ARHGAP20: variants seen among roughly 807,000 people sequenced by gnomAD.
The protein encoded by ARHGAP20 is rho GTPase-activating protein 20.
In ARHGAP20, 34 loss-of-function variants were observed where a neutral mutation model predicts 73.7. That is an observed-to-expected ratio of 0.46 (90% CI 0.35 to 0.61). The LOEUF is 0.61. Among genes scored for constraint, ARHGAP20 ranks in the 20% least tolerant of loss-of-function variants. ARHGAP20 has a pLI of 0.00. For missense variants in ARHGAP20, 1,314 were observed against 1,420.9 expected, an observed-to-expected ratio of 0.92 and a Z score of 1.21; for synonymous variants, 523 against 518.2, an observed-to-expected ratio of 1.01 and a Z score of -0.13.
chr11:110,614,847 T>C (rs1009675658), intron 5 of ARHGAP20, among the ~76,000 whole-genome samples: 9 of 152,158 alleles, frequency 5.9e-5, no homozygotes, highest in African/African-American at 1.9e-4. Context: ...ACATTAGGCA[T>C]GGGCACAAAA....
At chr11:110,622,256 G>A (rs1218473325) in intron 4 of ARHGAP20, among the ~76,000 whole-genome samples, 1 of 152,166 alleles carries the variant, frequency 6.6e-6, no homozygotes, top group African/African-American at 2.4e-5. Context: ...CCCAGTACTT[G>A]TGCCTACTTC....
intron 2 of ARHGAP20, among the ~76,000 whole-genome samples, chr11:110,660,061 C>CAAAAAAAAAAA (rs746439426): frequency 1.4e-5 from 1 of 69,230 alleles, no homozygotes; most frequent in Non-Finnish European, 3.3e-5. Context: ...TAATAAAAAA[C>CAAAAAAAAAAA]AAAAAAAAAA....
chr11:110,685,311 G>A (rs746630929), intron 2 of ARHGAP20, among the ~76,000 whole-genome samples: 2 of 152,060 alleles, frequency 1.3e-5, no homozygotes, highest in Non-Finnish European at 2.9e-5. Context: ...CACAATGTTA[G>A]ATCATCTTTA....
chr11:110,606,073 G>A (rs1948221292), intron 9 of ARHGAP20, among the ~76,000 whole-genome samples: 1 of 152,158 alleles, frequency 6.6e-6, no homozygotes, highest in African/African-American at 2.4e-5. Flanking sequence ...TATGTTCACA[G>A]GGAATTCATA....
intron 9 of ARHGAP20, among the ~76,000 whole-genome samples, chr11:110,596,744 G>C (rs2134845695): frequency 1.3e-5 from 2 of 152,194 alleles, no homozygotes; most frequent in African/African-American, 4.8e-5. Context: ...GATTCCTCAG[G>C]GATCTAGAAC....
chr11:110,676,946 G>A lies in ARHGAP20; in HGVS notation c.188+13601C>T, dbSNP rs1219912800. Among the ~76,000 whole-genome samples, 4 of 152,016 alleles carry A rather than the reference G, an allele frequency of 2.6e-5. No homozygotes were observed. In the East Asian group the frequency reaches 7.7e-4, roughly 29 times the overall value. On this transcript the variant is annotated intron_variant, in intron 2 of 14. Transcript: ENST00000683387. ...TTATTTTATAGACTCTACATCATGG[G>A]AACCTGACAAAGGATCACAGTTGGA...
chr11:110,707,485 C>T (rs943371495), intron 1 of ARHGAP20, among the ~76,000 whole-genome samples: 19 of 152,088 alleles, frequency 1.2e-4, no homozygotes, highest in African/African-American at 4.6e-4. Context: ...ATGGAAAAAT[C>T]TTTGTCTTCT....
At chr11:110,679,385 C>T (rs1305669386) in intron 2 of ARHGAP20, among the ~76,000 whole-genome samples, 1 of 152,198 alleles carries the variant, frequency 6.6e-6, no homozygotes, top group Non-Finnish European at 1.5e-5. Flanking sequence ...AGGCGGGAAT[C>T]ACTGGATGCC....
chr11:110,664,900 G>A (rs1421497373), intron 2 of ARHGAP20, among the ~76,000 whole-genome samples: 1 of 152,042 alleles, frequency 6.6e-6, no homozygotes. Flanking sequence ...AATATATCTT[G>A]TTCCTATGTT....
At chr11:110,611,187 G>GGGGAAA in intron 7 of ARHGAP20, 122 bp downstream of exon 7, 1 of 546,502 alleles carries the variant, frequency 1.8e-6, no homozygotes, top group East Asian at 3.5e-5. Context: ...ATATTTTGGG[G>GGGGAAA]AATAAAATAT....
At chr11:110,654,282 G>A (rs1949419552) in intron 2 of ARHGAP20, among the ~76,000 whole-genome samples, 1 of 152,108 alleles carries the variant, frequency 6.6e-6, no homozygotes. Flanking sequence ...AGGAAATCAA[G>A]AAACATTAAA....
intron 9 of ARHGAP20, among the ~76,000 whole-genome samples, chr11:110,593,757 C>T (rs1024509087): frequency 1.3e-5 from 2 of 152,254 alleles, no homozygotes; most frequent in African/African-American, 2.4e-5. Flanking sequence ...GCCCACATCT[C>T]TGGCTAACCC....
intron 1 of ARHGAP20, among the ~76,000 whole-genome samples, chr11:110,710,731 C>T (rs1455495361): frequency 1.3e-5 from 2 of 152,148 alleles, no homozygotes; most frequent in African/African-American, 4.8e-5. Flanking sequence ...TAGATGGCTC[C>T]GTGACACGGT....
At chr11:110,670,101 A>G (rs1252230221) in intron 2 of ARHGAP20, among the ~76,000 whole-genome samples, 1 of 152,156 alleles carries the variant, frequency 6.6e-6, no homozygotes, top group Non-Finnish European at 1.5e-5. Context: ...AAGGCGCACA[A>G]GGAAACCTTT....
intron 9 of ARHGAP20, among the ~76,000 whole-genome samples, chr11:110,597,175 A>G (rs1433729441): frequency 1.3e-5 from 2 of 151,612 alleles, no homozygotes; most frequent in African/African-American, 4.9e-5. Flanking sequence ...GCACTGGGAA[A>G]TATACCTAAT....
intron 2 of ARHGAP20, among the ~76,000 whole-genome samples, chr11:110,653,921 T>C (rs1021748386): frequency 1.3e-5 from 2 of 152,078 alleles, no homozygotes; most frequent in Admixed American, 1.3e-4. Flanking sequence ...TGCATGGACA[T>C]GGATGGAGCT....
At chr11:110,657,949 AG>A (rs1421335963) in intron 2 of ARHGAP20, among the ~76,000 whole-genome samples, 15 of 144,348 alleles carry the variant, frequency 1.0e-4, no homozygotes, top group Admixed American at 2.1e-4. Flanking sequence ...GAAGGAAGGA[AG>A]GAAGGAAGGA....
chr11:110,710,960 G>A (rs2135165117), intron 1 of ARHGAP20, among the ~76,000 whole-genome samples: 1 of 141,284 alleles, frequency 7.1e-6, no homozygotes, highest in East Asian at 2.1e-4. Flanking sequence ...GCCTCTAATC[G>A]CAACTTGTTT....
At chr11:110,633,874 G>T (rs747707697) in intron 2 of ARHGAP20, among the ~76,000 whole-genome samples, 24 of 152,192 alleles carry the variant, frequency 1.6e-4, no homozygotes, top group Non-Finnish European at 3.1e-4. Context: ...ACTTGGAAGA[G>T]ATGTCAGAAG....
Sources: allele counts gnomAD v4.1 joint callset (sites outside exome capture counted in the v4.1 genomes callset), GRCh38; gene constraint gnomAD v4.1.1; transcripts MANE v1.5; gene names NCBI Gene and HGNC (gene_info 2026-07-23, HGNC 2026-07-21).